Variants in MPPED2 observed in about 807,000 individuals in gnomAD.
The protein encoded by MPPED2 is metallophosphoesterase domain containing 2, also known as metallophosphoesterase MPPED2.
In MPPED2, 5 loss-of-function variants were observed where a neutral mutation model predicts 33.0. The observed-to-expected ratio is 0.15, with a 90% CI of 0.08 to 0.32. MPPED2 has a LOEUF of 0.32. Ranked by LOEUF, MPPED2 falls within the 10% of genes least tolerant of loss-of-function variation. MPPED2 has a pLI of 1.00. For synonymous variants in MPPED2, 136 were observed against 141.9 expected, an observed-to-expected ratio of 0.96 and a Z score of 0.29; for missense variants, 275 against 372.1, an observed-to-expected ratio of 0.74 and a Z score of 2.15.
At chr11:30,413,695 G>A (rs1171410195) in intron 6 of MPPED2, among the ~76,000 whole-genome samples, 1 of 152,186 alleles carries the variant, frequency 6.6e-6, no homozygotes, top group Non-Finnish European at 1.5e-5. Context: ...AAGTCTACCT[G>A]CAAATGTGCA....
intron 3 of MPPED2, among the ~76,000 whole-genome samples, chr11:30,506,119 C>G (rs972907321): frequency 6.6e-6 from 1 of 152,060 alleles, no homozygotes; most frequent in African/African-American, 2.4e-5. Flanking sequence ...TTCACTGCAA[C>G]CTCCGCCTCC....
At chr11:30,417,218 C>T (rs1220594648) in intron 5 of MPPED2, among the ~76,000 whole-genome samples, 3 of 152,068 alleles carry the variant, frequency 2.0e-5, no homozygotes, top group Non-Finnish European at 4.4e-5. Context: ...CCCCTTACTC[C>T]AAAGTGAATA....
chr11:30,430,303 G>A (rs924722173), intron 4 of MPPED2, among the ~76,000 whole-genome samples: 1 of 152,112 alleles, frequency 6.6e-6, no homozygotes, highest in African/African-American at 2.4e-5. Flanking sequence ...GAGATGTGCT[G>A]TGAGTGCGAA....
intron 3 of MPPED2, among the ~76,000 whole-genome samples, chr11:30,509,080 T>G (rs1394545558): frequency 1.3e-5 from 2 of 152,204 alleles, no homozygotes; most frequent in Admixed American, 6.6e-5. Flanking sequence ...AGTCCTATTT[T>G]TATTTTATTC....
At chr11:30,492,965 A>G (rs926021656) in intron 4 of MPPED2, among the ~76,000 whole-genome samples, 5 of 152,210 alleles carry the variant, frequency 3.3e-5, no homozygotes, top group African/African-American at 1.2e-4. Flanking sequence ...ATAAGATGAC[A>G]CGTATACAAA....
intron 3 of MPPED2, among the ~76,000 whole-genome samples, chr11:30,507,967 A>G (rs7114662): frequency 0.19 from 28,678 of 152,112 alleles, 3,305 homozygotes; most frequent in Middle Eastern, 0.28. Flanking sequence ...TTTACTTTCT[A>G]CATTTTCATT....
chr11:30,493,647 A>G (rs1381000941), intron 4 of MPPED2, among the ~76,000 whole-genome samples: 2 of 149,090 alleles, frequency 1.3e-5, no homozygotes, highest in Admixed American at 6.9e-5. Flanking sequence ...ATTTAGTCTA[A>G]CATTCTCATT....
intron 2 of MPPED2, among the ~76,000 whole-genome samples, chr11:30,547,825 T>A (rs1486052755): frequency 9.8e-6 from 1 of 101,848 alleles, no homozygotes; most frequent in Non-Finnish European, 2.6e-5. Flanking sequence ...TGTTTGCATA[T>A]CTGTATTTGA....
intron 4 of MPPED2, among the ~76,000 whole-genome samples, chr11:30,430,021 A>G (rs1949009484): frequency 6.6e-6 from 1 of 152,156 alleles, no homozygotes; most frequent in African/African-American, 2.4e-5. Flanking sequence ...GGTGTCCCCC[A>G]AGATCTAGCA....
chr11:30,504,964 C>A (rs182988438), intron 3 of MPPED2: 122 of 439,044 alleles, frequency 2.8e-4, no homozygotes, highest in Middle Eastern at 5.1e-4. Context: ...GTGTAAGACA[C>A]CACAGCGGAA....
intron 4 of MPPED2, among the ~76,000 whole-genome samples, chr11:30,482,764 T>C (rs1000098552): frequency 4.0e-5 from 6 of 151,208 alleles, no homozygotes; most frequent in East Asian, 1.9e-4. Context: ...CATTCATAAT[T>C]ATGTATCAAG....
chr11:30,410,686 G>A lies in MPPED2; in HGVS notation c.*782C>T, dbSNP rs546650806. ...TCCTTGACAATAATAAACTCCTAAC[G>A]TAGTCATAATACACAAAAAATACTT... On this transcript the variant is annotated 3_prime_UTR_variant, in exon 7 of 7. Transcript: ENST00000358117. 35 of 984,630 alleles carry A rather than the reference G, an allele frequency of 3.6e-5. No individual in the cohort carries two copies. The highest frequency in any genetic ancestry group is 1.1e-4 in the East Asian group (1 of 8,804). The allele number at this position is 984,630 out of a possible 1,614,324, so 61.0% of individuals were successfully genotyped here. A position where few individuals can be genotyped will look rare whatever the true frequency, so the allele number is the denominator to read the frequency against.
intron 4 of MPPED2, among the ~76,000 whole-genome samples, chr11:30,422,108 G>T (rs1162562214): frequency 6.6e-6 from 1 of 152,194 alleles, no homozygotes; most frequent in Non-Finnish European, 1.5e-5. Context: ...GTCCTCACTG[G>T]TTCAGTTTCC....
At chr11:30,397,770 C>G (rs1947856686) in intron 6 of MPPED2, among the ~76,000 whole-genome samples, 1 of 152,062 alleles carries the variant, frequency 6.6e-6, no homozygotes, top group Admixed American at 6.6e-5. Context: ...ACCTCACTAG[C>G]TAGTGGGGAG....
chr11:30,480,782 A>C (rs2134118987), intron 4 of MPPED2, among the ~76,000 whole-genome samples: 1 of 152,284 alleles, frequency 6.6e-6, no homozygotes, highest in African/African-American at 2.4e-5. Context: ...TATGCATTTC[A>C]ATTCCTTTCC....
intron 4 of MPPED2, among the ~76,000 whole-genome samples, chr11:30,466,494 G>T (rs1218480710): frequency 6.6e-6 from 1 of 152,230 alleles, no homozygotes; most frequent in Non-Finnish European, 1.5e-5. Context: ...TGTCCAGCTG[G>T]ATCCATTGAG....
intron 2 of MPPED2, among the ~76,000 whole-genome samples, chr11:30,552,895 T>C (rs1955782285): frequency 6.6e-6 from 1 of 152,192 alleles, no homozygotes; most frequent in Non-Finnish European, 1.5e-5. Context: ...AGAATCACCA[T>C]GAGTCCTACT....
intron 5 of MPPED2, among the ~76,000 whole-genome samples, chr11:30,417,180 C>T (rs574626085): frequency 2.6e-5 from 4 of 152,174 alleles, no homozygotes; most frequent in East Asian, 1.9e-4. Flanking sequence ...TTGGGAGGTC[C>T]GAATCTTCCT....
rs1948053613 is a variant in MPPED2, at chr11:30,410,226, T to TA, written c.*1241dup. 1 of 985,820 alleles carries TA rather than the reference T, an allele frequency of 1.0e-6. No individual in the cohort carries two copies. Among genetic ancestry groups the TA allele is most frequent in the African/African-American group, 1.7e-5 (1 of 57,322 alleles). The allele number at this position is 985,820 out of a possible 1,614,324, so 61.1% of individuals were successfully genotyped here. Reference sequence around the variant, plus strand: ...TCCAACCCTCTAAACAGCACGAATTTAAAAATCTTGCAATTTTATTTGCAT... The same window carrying TA: ...TCCAACCCTCTAAACAGCACGAATTTAAAAAATCTTGCAATTTTATTTGCAT... On this transcript the variant is annotated 3_prime_UTR_variant, in exon 7 of 7. Transcript: ENST00000358117.
Sources: gnomAD v4.1 joint callset for allele counts (sites outside exome capture counted in the v4.1 genomes callset) on GRCh38, gnomAD v4.1.1 for gene constraint, MANE v1.5 for transcripts, NCBI Gene and HGNC (gene_info 2026-07-23, HGNC 2026-07-21) for gene names.